CALN1: variants seen among roughly 807,000 people sequenced by gnomAD.
The protein encoded by CALN1 is calcium-binding protein 8.
A neutral mutation model predicts 30.6 loss-of-function variants in CALN1; 17 were observed. The ratio of observed to expected loss-of-function variants is 0.56; its 90% confidence interval spans 0.38 to 0.83. The LOEUF (loss-of-function observed/expected upper bound fraction) is 0.83. CALN1 is among the 40% of genes least tolerant of loss of function. The probability of loss-of-function intolerance (pLI) is 0.00; values close to 1 mark genes in which losing one functional copy is unlikely to be tolerated. For missense variants in CALN1, 291 were observed against 354.9 expected (o/e 0.82, Z 1.45); for synonymous variants, 156 against 131.4 (o/e 1.19, Z -1.28).
intron 5 of CALN1, among the ~76,000 whole-genome samples, chr7:71,943,894 G>A (rs1476976377): frequency 6.6e-6 from 1 of 152,136 alleles, no homozygotes; most frequent in African/African-American, 2.4e-5. Flanking sequence ...AATGGGGAGT[G>A]AGCATGGAGA....
intron 2 of CALN1, among the ~76,000 whole-genome samples, chr7:72,356,531 AAAT>A (rs903750011): frequency 1.3e-5 from 2 of 151,946 alleles, no homozygotes; most frequent in African/African-American, 2.4e-5. Context: ...GATATCACTA[AAAT>A]AATAATAAAA....
At chr7:72,086,361 G>A (rs905992731) in intron 4 of CALN1, among the ~76,000 whole-genome samples, 22 of 151,982 alleles carry the variant, frequency 1.4e-4, no homozygotes, top group African/African-American at 4.8e-4. Context: ...TATACATTTC[G>A]CCTAACCCTG....
At chr7:71,818,700 ATTTATTTATTTAT>A in intron 5 of CALN1, among the ~76,000 whole-genome samples, 1 of 148,024 alleles carries the variant, frequency 6.8e-6, no homozygotes, top group South Asian at 2.1e-4. Flanking sequence ...TTATTTATTT[ATTTATTTATTTAT>A]TTATTTATTT....
chr7:71,942,039 A>T (rs891682869), intron 5 of CALN1, among the ~76,000 whole-genome samples: 1 of 152,066 alleles, frequency 6.6e-6, no homozygotes, highest in African/African-American at 2.4e-5. Context: ...TCTCTACTAA[A>T]AATACAAAAA....
rs182118256 is a variant in CALN1, at chr7:72,328,590, T to C, written c.120-49780A>G. ...CTGTGTTTTGTCCCAACCAGGACCA[T>C]GGGTTTTTGAGATTAAAACTCCCAA... On this transcript the variant is annotated intron_variant, in intron 2 of 6. Transcript: ENST00000395275. 6.8e-4 allele frequency among the ~76,000 whole-genome samples: 103 copies of C among 152,340 alleles called. 1 individual carries two copies. The highest frequency in any genetic ancestry group is 5.4e-3 in the Admixed American group (83 of 15,304).
chr7:71,904,844 A>T (rs984585302), intron 5 of CALN1, among the ~76,000 whole-genome samples: 3 of 152,226 alleles, frequency 2.0e-5, no homozygotes, highest in South Asian at 2.1e-4. Context: ...TAAATGTAAA[A>T]ATGAGAAGAG....
At chr7:72,108,663 C>T (rs996790542) in intron 3 of CALN1, among the ~76,000 whole-genome samples, 18 of 152,220 alleles carry the variant, frequency 1.2e-4, no homozygotes, top group African/African-American at 4.3e-4. Flanking sequence ...TCCCTACAAT[C>T]GTCTATACAT....
chr7:72,238,058 C>T (rs761392947), intron 3 of CALN1, among the ~76,000 whole-genome samples: 2 of 152,132 alleles, frequency 1.3e-5, no homozygotes, highest in Non-Finnish European at 2.9e-5. Flanking sequence ...CAAGGAAGCC[C>T]TACAGAAGAC....
chr7:72,310,081 T>C (rs1799940631), intron 2 of CALN1, among the ~76,000 whole-genome samples: 1 of 151,990 alleles, frequency 6.6e-6, no homozygotes, highest in Non-Finnish European at 1.5e-5. Flanking sequence ...TGTTATAACG[T>C]CCTGATCAAG....
At chr7:71,886,865 T>C (rs1403625525) in intron 5 of CALN1, among the ~76,000 whole-genome samples, 2 of 152,006 alleles carry the variant, frequency 1.3e-5, no homozygotes, top group Non-Finnish European at 2.9e-5. Context: ...TGTTCGCTGC[T>C]GAAGAATTCA....
At chr7:72,358,774 C>T (rs986784433) in intron 2 of CALN1, among the ~76,000 whole-genome samples, 1 of 151,972 alleles carries the variant, frequency 6.6e-6, no homozygotes, top group African/African-American at 2.4e-5. Context: ...CATGGTGAAA[C>T]TCCGTCTCTA....
chr7:72,311,622 G>T (rs1800055424), intron 2 of CALN1, among the ~76,000 whole-genome samples: 1 of 149,228 alleles, frequency 6.7e-6, no homozygotes, highest in Admixed American at 6.7e-5. Context: ...TGGGACTACA[G>T]GCACATGCCA....
At chr7:71,809,356 C>T (rs1787801139) in intron 6 of CALN1, among the ~76,000 whole-genome samples, 1 of 149,530 alleles carries the variant, frequency 6.7e-6, no homozygotes, top group South Asian at 2.1e-4. Context: ...CCCCCCATAG[C>T]ACTCACTGGC....
At chr7:72,171,608 G>GT (rs1404103346) in intron 3 of CALN1, among the ~76,000 whole-genome samples, 1 of 152,070 alleles carries the variant, frequency 6.6e-6, no homozygotes, top group Non-Finnish European at 1.5e-5. Context: ...GTACAAACTT[G>GT]TTCACCTGCA....
the CALN1 span, among the ~76,000 whole-genome samples, chr7:72,493,006 T>C: frequency 6.6e-6 from 1 of 152,182 alleles, no homozygotes; most frequent in East Asian, 1.9e-4. Context: ...AATTCACCCA[T>C]TGAAAGTATG....
intron 4 of CALN1, among the ~76,000 whole-genome samples, chr7:72,093,892 G>A (rs915095686): frequency 2.6e-5 from 4 of 152,334 alleles, no homozygotes; most frequent in African/African-American, 7.2e-5. Flanking sequence ...AGTGGGACCT[G>A]AGATTCAGAA....
intron 5 of CALN1, among the ~76,000 whole-genome samples, chr7:71,917,349 T>C (rs1275602574): frequency 6.6e-6 from 1 of 152,182 alleles, no homozygotes; most frequent in Non-Finnish European, 1.5e-5. Flanking sequence ...AGGTCTAATA[T>C]ACAGAATGGC....
intron 2 of CALN1, among the ~76,000 whole-genome samples, chr7:72,358,283 C>G (rs2129559629): frequency 6.6e-6 from 1 of 152,130 alleles, no homozygotes; most frequent in Middle Eastern, 3.4e-3. Context: ...GTGTGAGCCA[C>G]TACCACGCCT....
At chr7:72,375,206 G>A (rs1362954865) in intron 2 of CALN1, among the ~76,000 whole-genome samples, 1 of 152,082 alleles carries the variant, frequency 6.6e-6, no homozygotes, top group Non-Finnish European at 1.5e-5. Context: ...TTTTCTCACG[G>A]TCTCAAAAAG....
Sources: gnomAD v4.1 joint callset for allele counts (sites outside exome capture counted in the v4.1 genomes callset) on GRCh38, gnomAD v4.1.1 for gene constraint, MANE v1.5 for transcripts, NCBI Gene and HGNC (gene_info 2026-07-23, HGNC 2026-07-21) for gene names.